Variants in ELF2 observed in about 807,000 individuals in gnomAD.
ELF2 encodes ETS-related transcription factor Elf-2.
In ELF2, 11 loss-of-function variants were observed where a neutral mutation model predicts 54.8. That is an observed-to-expected ratio of 0.20 (90% CI 0.13 to 0.33). ELF2 has a LOEUF of 0.33. ELF2 is among the 10% of genes least tolerant of loss of function. The pLI is 1.00. For synonymous variants in ELF2, 203 were observed against 245.1 expected (o/e 0.83, Z 1.61); for missense variants, 513 against 703.0 (o/e 0.73, Z 3.06).
At chr4:139,115,352 C>T (rs1735568464) in intron 4 of ELF2, 7 of 1,216,724 alleles carry the variant, frequency 5.8e-6, no homozygotes, top group Non-Finnish European at 7.2e-6. Context: ...CGCCGCGCCC[C>T]CCGCGGTGCC....
At chr4:139,098,839 T>G (rs1038380697) in intron 4 of ELF2, among the ~76,000 whole-genome samples, 2 of 152,256 alleles carry the variant, frequency 1.3e-5, no homozygotes, top group Non-Finnish European at 2.9e-5. Flanking sequence ...TTTTGCTTTA[T>G]GCATCTATTA....
chr4:139,091,228 C>A (rs947354033), intron 4 of ELF2, among the ~76,000 whole-genome samples: 1 of 152,160 alleles, frequency 6.6e-6, no homozygotes, highest in Non-Finnish European at 1.5e-5. Flanking sequence ...CCTCACCCGA[C>A]CTTCTTATAG....
At chr4:139,086,558 G>A (rs1448056439) in intron 4 of ELF2, among the ~76,000 whole-genome samples, 3 of 152,138 alleles carry the variant, frequency 2.0e-5, no homozygotes, top group Admixed American at 6.5e-5. Context: ...GAAGATCTTC[G>A]AACCGTCATA....
intron 4 of ELF2, among the ~76,000 whole-genome samples, chr4:139,102,818 G>A (rs1278724295): frequency 6.6e-6 from 1 of 152,184 alleles, no homozygotes; most frequent in Non-Finnish European, 1.5e-5. Flanking sequence ...TCCAGCCTGG[G>A]CGACAGAGCA....
Position 139,072,124 on chromosome 4 carries a change from G to T in ELF2, c.353-85C>A, listed in dbSNP as rs1313449932. ...CAGTTCAATATTTAGAAGAGGCGAG[G>T]TGTGTTAAGAATTAATCAAAGCAGG... On this transcript the variant is annotated intron_variant, in intron 5 of 9. Coordinates refer to ENST00000686138, the MANE Select transcript of ELF2 (RefSeq NM_001331036.3). 54 of 1,351,882 alleles carry T rather than the reference G, an allele frequency of 4.0e-5. 2 individuals are homozygous for T. The South Asian group carries it at 6.8e-4, about 17-fold the overall frequency. The allele number at this position is 1,351,882 out of a possible 1,614,324, so 83.7% of individuals were successfully genotyped here.
chr4:139,176,603 G>A (rs890015664), intron 1 of ELF2, among the ~76,000 whole-genome samples: 1 of 152,084 alleles, frequency 6.6e-6, no homozygotes, highest in South Asian at 2.1e-4. Context: ...GAGGTGACTC[G>A]CGCAGAGATG....
chr4:139,076,771 T>C (rs947786860), intron 4 of ELF2, among the ~76,000 whole-genome samples: 2 of 152,204 alleles, frequency 1.3e-5, no homozygotes, highest in Non-Finnish European at 2.9e-5. Context: ...TTCAAAACCA[T>C]GATTTTGTGT....
Position 139,093,806 on chromosome 4 carries a change from A to C in ELF2, c.239-20239T>G, listed in dbSNP as rs77123450. On this transcript the variant is annotated intron_variant, in intron 4 of 9. Coordinates refer to ENST00000686138, the MANE Select transcript of ELF2 (RefSeq NM_001331036.3). The stretch of plus-strand genomic sequence containing the variant: ...TTGAAACTTCAGATACATTCCCTTC[A>C]AGATTAGGAACAAAACAGGGATGGC... Among the ~76,000 whole-genome samples the C allele has an allele frequency of 8.7e-3, 1,331 of 152,280 alleles. 14 individuals carry two copies. Among genetic ancestry groups the C allele is most frequent in the African/African-American group, 0.031 (1,271 of 41,550 alleles).
At chr4:139,162,361 G>GT (rs921737318) in intron 1 of ELF2, among the ~76,000 whole-genome samples, 1 of 151,852 alleles carries the variant, frequency 6.6e-6, no homozygotes, top group Non-Finnish European at 1.5e-5. Flanking sequence ...GTGAAACCCC[G>GT]TCTCTACTAA....
At chr4:139,104,450 C>T (rs943175060) in intron 4 of ELF2, among the ~76,000 whole-genome samples, 2 of 143,506 alleles carry the variant, frequency 1.4e-5, no homozygotes, top group African/African-American at 5.1e-5. Flanking sequence ...GCGAGGTTGC[C>T]GTGAGCTGAG....
Position 139,090,080 on chromosome 4 carries a change from C to A in ELF2, c.239-16513G>T, listed in dbSNP as rs150883316. Among the ~76,000 whole-genome samples, 1,010 of 152,280 alleles carry A rather than the reference C, an allele frequency of 6.6e-3. 13 individuals carry two copies. Among genetic ancestry groups the A allele is most frequent in the African/African-American group, 0.023 (966 of 41,530 alleles). ...AGTTAGCTAGGACTACAGTCATATT[C>A]CATGCCTGGCTAATTTTTTAAAATA... On this transcript the variant is annotated intron_variant, in intron 4 of 9. Transcript: ENST00000686138.
intron 4 of ELF2, among the ~76,000 whole-genome samples, chr4:139,098,723 C>G (rs1023955820): frequency 6.6e-6 from 1 of 152,200 alleles, no homozygotes; most frequent in African/African-American, 2.4e-5. Flanking sequence ...CCGCCTCGGC[C>G]TCCCAAAGTG....
chr4:139,086,535 ATAT>A (rs1230267487), intron 4 of ELF2, among the ~76,000 whole-genome samples: 2 of 152,216 alleles, frequency 1.3e-5, no homozygotes, highest in African/African-American at 2.4e-5. Flanking sequence ...GTTTTATAAA[ATAT>A]TATTAAAATG....
chr4:139,135,279 G>GTGTGTGTGTGTGTA (rs373283677), intron 3 of ELF2, among the ~76,000 whole-genome samples: 56 of 136,562 alleles, frequency 4.1e-4, no homozygotes, highest in East Asian at 1.5e-3. Context: ...GTGTGTGTGT[G>GTGTGTGTGTGTGTA]TATATATGAA....
rs138790140 is a variant in ELF2 at position 139,059,030 on chromosome 4, G to A, written c.1735C>T (p.Leu579Phe). Residue 579 changes from leucine (L) to phenylalanine (F), a missense_variant, in exon 10 of 10, where the codon CTT becomes TTT. By Grantham distance (22) the Leu-to-Phe change is conservative. Around this residue, in one of 3 missense-constraint regions of ELF2, gnomAD observed 291 missense variants for 366.1 expected, o/e 0.79. Transcript: ENST00000686138. Reference sequence around the variant, plus strand: ...CCTTCTGTTTTCATAGTTACAGGAAGGGCAATAGCTGAAGGCGCACTGACA... The same window carrying A: ...CCTTCTGTTTTCATAGTTACAGGAAAGGCAATAGCTGAAGGCGCACTGACA... ...VVVSAPSAIA[L>F]PVTMKTEGLV... 8.1e-6 allele frequency: 13 copies of A among 1,613,640 alleles called. No homozygotes were observed. Among genetic ancestry groups the A allele is most frequent in the South Asian group, 1.1e-5 (1 of 91,066 alleles).
At chr4:139,162,051 G>C (rs1175418328) in intron 1 of ELF2, among the ~76,000 whole-genome samples, 2 of 152,074 alleles carry the variant, frequency 1.3e-5, no homozygotes, top group African/African-American at 2.4e-5. Flanking sequence ...CTGAGATTGC[G>C]CCACTGCACT....
At chr4:139,154,027 T>C (rs75164787) in intron 1 of ELF2, among the ~76,000 whole-genome samples, 2,301 of 152,164 alleles carry the variant, frequency 0.015, 72 homozygotes, top group African/African-American at 0.053. Context: ...AAAAAGCACA[T>C]GTCACAGCTG....
chr4:139,120,976 CTTTCTCTAAAA>C (rs1229747170), intron 4 of ELF2, among the ~76,000 whole-genome samples: 1 of 151,986 alleles, frequency 6.6e-6, no homozygotes, highest in Non-Finnish European at 1.5e-5. Context: ...GTGTCCTTTA[CTTTCTCTAAAA>C]CATTCCCTAA....
chr4:139,084,350 C>G, intron 4 of ELF2: 1 of 1,513,168 alleles, frequency 6.6e-7, no homozygotes, highest in Non-Finnish European at 8.8e-7. Context: ...TGCGCGTCCT[C>G]CGACAGGAAG....
Sources: allele counts gnomAD v4.1 joint callset (sites outside exome capture counted in the v4.1 genomes callset), GRCh38; gene constraint gnomAD v4.1.1; regional missense constraint gnomAD v4.1.1; transcripts MANE v1.5; gene names NCBI Gene and HGNC (gene_info 2026-07-23, HGNC 2026-07-21).